Variants in SPTAN1 observed in about 807,000 individuals in gnomAD.
SPTAN1 encodes spectrin alpha chain, non-erythrocytic 1.
In SPTAN1, 61 loss-of-function variants were observed where a neutral mutation model predicts 331.3. The observed-to-expected ratio is 0.18, with a 90% CI of 0.15 to 0.23. The LOEUF is 0.23. Ranked by LOEUF, SPTAN1 falls within the 10% of genes least tolerant of loss-of-function variation. SPTAN1 has a pLI of 1.00. For missense variants in SPTAN1, 2,043 were observed against 3,147.9 expected (o/e 0.65, Z 8.40); for synonymous variants, 1,153 against 1,173.9 (o/e 0.98, Z 0.36).
chr9:128,590,103 T>G (rs1008820443), intron 21 of SPTAN1, among the ~76,000 whole-genome samples: 48 of 152,370 alleles, frequency 3.2e-4, no homozygotes, highest in Middle Eastern at 6.8e-3. Flanking sequence ...TCTGTTTTAG[T>G]TAAGGCTGGA....
chr9:128,600,896 C>A (rs1468355055), intron 27 of SPTAN1, among the ~76,000 whole-genome samples: 1 of 150,742 alleles, frequency 6.6e-6, no homozygotes, highest in Non-Finnish European at 1.5e-5. Flanking sequence ...CTCCTGACCT[C>A]AGGTGATCTG....
At chr9:128,621,093 C>T in intron 44 of SPTAN1, 65 bp from the exon 45 acceptor site, 1 of 1,451,354 alleles carries the variant, frequency 6.9e-7, no homozygotes, top group Non-Finnish European at 9.7e-7. Flanking sequence ...ACTCTCTGTC[C>T]CCGGGGCCTA....
In SPTAN1 at chr9:128,592,970, C is replaced by T. The variant is rs371673291; in HGVS notation, c.3156-13C>T. On this transcript the variant is annotated splice_polypyrimidine_tract_variant and intron_variant, in intron 22 of 56. Coordinates refer to ENST00000372739, the MANE Select transcript of SPTAN1 (RefSeq NM_001130438.3). ...TAATTCGTGCATGCTTTTGCTGTGC[C>T]CCCTCTGTGCAGGACACGCATAACT... 6.2e-6 allele frequency: 10 copies of T among 1,602,966 alleles called. No homozygotes were observed. In the African/African-American group the frequency reaches 1.1e-4, roughly 17 times the overall value.
chr9:128,607,882 G>A lies in SPTAN1; in HGVS notation c.4177G>A (p.Gly1393Ser). The A allele has an allele frequency of 6.2e-7, 1 of 1,614,064 alleles. No individual in the cohort carries two copies. The highest frequency in any genetic ancestry group is 8.5e-7 in the Non-Finnish European group (1 of 1,180,032). ...EHRTEIDARAGTFQAFEQFGQ... is the reference protein window; with the variant it reads ...EHRTEIDARASTFQAFEQFGQ... ...CCGGACAGAAATCGATGCCAGGGCT[G>A]GCACTTTCCAGGCATTTGAGCAGTT... Residue 1393 changes from glycine to serine, a missense_variant, in exon 33 of 57, where the codon GGC becomes AGC. Around this residue, in one of 12 missense-constraint regions of SPTAN1, gnomAD observed 179 missense variants for 215.7 expected, o/e 0.83. Transcript: ENST00000372739.
intron 3 of SPTAN1, among the ~76,000 whole-genome samples, chr9:128,570,498 C>T (rs1193131392): frequency 4.7e-5 from 7 of 149,586 alleles, no homozygotes; most frequent in South Asian, 2.1e-4. Flanking sequence ...CCACCATGCC[C>T]GGCTAATTTT....
At chr9:128,614,145 A>G (rs1313421915) in intron 40 of SPTAN1, among the ~76,000 whole-genome samples, 3 of 151,790 alleles carry the variant, frequency 2.0e-5, no homozygotes, top group Non-Finnish European at 4.4e-5. Context: ...TACTATACCA[A>G]AGTCATAGTT....
chr9:128,626,999 G>A, intron 49 of SPTAN1: 1 of 564,274 alleles, frequency 1.8e-6, no homozygotes, highest in South Asian at 1.5e-5. Flanking sequence ...AATTTTTGTA[G>A]ACAGGGTGTT....
chr9:128,570,483 G>A (rs56870180), intron 3 of SPTAN1, among the ~76,000 whole-genome samples: 58 of 144,618 alleles, frequency 4.0e-4, no homozygotes, highest in African/African-American at 1.4e-3. Flanking sequence ...GATTACAGGC[G>A]CCCACCACCA....
intron 1 of SPTAN1, among the ~76,000 whole-genome samples, chr9:128,555,847 T>G (rs1364777441): frequency 6.6e-6 from 1 of 152,188 alleles, no homozygotes; most frequent in South Asian, 2.1e-4. Context: ...TGACAAATAT[T>G]GTAAACTTGG....
chr9:128,586,694 G>T (rs757064772), intron 19 of SPTAN1, among the ~76,000 whole-genome samples: 2 of 151,882 alleles, frequency 1.3e-5, no homozygotes, highest in Non-Finnish European at 2.9e-5. Flanking sequence ...GATGTACTTG[G>T]TTTTTTACTG....
rs1489291190 is a variant in SPTAN1 at position 128,618,143 on chromosome 9, G to C, written c.5600+35G>C. 2.5e-6 allele frequency: 4 copies of C among 1,611,568 alleles called. No individual in the cohort carries two copies. In the Admixed American group the frequency reaches 6.7e-5, roughly 27 times the overall value. Reference sequence around the variant, plus strand: ...CAGAGGCAGGAGCTCCCGGGAACAAGTGGAAGGCCAGCACCCAAGGGCAGA... The same window carrying C: ...CAGAGGCAGGAGCTCCCGGGAACAACTGGAAGGCCAGCACCCAAGGGCAGA... On this transcript the variant is annotated intron_variant, in intron 43 of 56. Coordinates refer to ENST00000372739, the MANE Select transcript of SPTAN1 (RefSeq NM_001130438.3).
chr9:128,606,029 A>G (rs1855799724), intron 31 of SPTAN1, among the ~76,000 whole-genome samples: 1 of 151,884 alleles, frequency 6.6e-6, no homozygotes, highest in South Asian at 2.1e-4. Flanking sequence ...AAAAAGTAGT[A>G]CATAATCAAT....
At chr9:128,623,150 G>A (rs1375377443) in intron 45 of SPTAN1, among the ~76,000 whole-genome samples, 2 of 152,026 alleles carry the variant, frequency 1.3e-5, no homozygotes, top group African/African-American at 4.8e-5. Context: ...CTGCCTCCCG[G>A]GTTTCAGCAG....
chr9:128,582,978 T>G, intron 14 of SPTAN1, 99 bp from the exon 15 acceptor site: 1 of 1,574,660 alleles, frequency 6.4e-7, no homozygotes, highest in Non-Finnish European at 8.7e-7. Flanking sequence ...AAGCCAACTG[T>G]TTTATACATT....
At chr9:128,603,820 C>T (rs541652702) in intron 28 of SPTAN1, among the ~76,000 whole-genome samples, 1 of 152,364 alleles carries the variant, frequency 6.6e-6, no homozygotes, top group East Asian at 1.9e-4. Flanking sequence ...GCAAGCCTTC[C>T]CTCTGATTTC....
Position 128,584,566 on chromosome 9 carries a change from G to C in SPTAN1, c.2437+41G>C, listed in dbSNP as rs755525111. The C allele has an allele frequency of 4.9e-5, 79 of 1,613,850 alleles. 1 individual carries two copies. The highest frequency in any genetic ancestry group is 1.6e-4 in the Middle Eastern group (1 of 6,080). On this transcript the variant is annotated intron_variant, in intron 17 of 56. Transcript: ENST00000372739. ...TCAGGTAGGAATCAACTTGGGAAAG[G>C]CTGTGCTATTGTAGCATAAAGGGGA...
At chr9:128,594,804 C>CTTTTTTTTTTTTTTTTTTAT (rs34874862) in intron 24 of SPTAN1, among the ~76,000 whole-genome samples, 1 of 90,560 alleles carries the variant, frequency 1.1e-5, no homozygotes, top group African/African-American at 4.0e-5. Context: ...ATGTATGTAG[C>CTTTTTTTTTTTTTTTTTTAT]TTTTTTTTTT....
intron 51 of SPTAN1, chr9:128,628,233 C>T: frequency 1.7e-6 from 1 of 578,930 alleles, no homozygotes. Flanking sequence ...AAGGCCAGAG[C>T]TGGAGTCCAG....
chr9:128,584,932 C>A, intron 18 of SPTAN1, 89 bp downstream of exon 18: 1 of 1,529,664 alleles, frequency 6.5e-7, no homozygotes. Flanking sequence ...GCATCACAAA[C>A]CAGGCTCTGG....
Sources: gnomAD v4.1 joint callset for allele counts (sites outside exome capture counted in the v4.1 genomes callset) on GRCh38, gnomAD v4.1.1 for gene constraint, gnomAD v4.1.1 regional missense constraint, MANE v1.5 for transcripts, NCBI Gene and HGNC (gene_info 2026-07-23, HGNC 2026-07-21) for gene names.